The following NRG1 variants were observed in gnomAD, a reference collection of about 807,000 sequenced individuals.
NRG1 encodes the protein pro-neuregulin-1, membrane-bound isoform.
Under a neutral mutation model 63.8 loss-of-function variants are expected in NRG1, and 18 were observed. The ratio of observed to expected loss-of-function variants is 0.28; its 90% CI spans 0.19 to 0.42. The LOEUF (loss-of-function observed/expected upper bound fraction) is 0.42, where lower values mean the gene tolerates loss of function less well. Ranked by LOEUF, NRG1 falls within the 10% of genes least tolerant of loss-of-function variation. NRG1 has a pLI of 1.00. For synonymous variants in NRG1, 302 were observed against 301.3 expected (o/e 1.00, Z -0.02); for missense variants, 762 against 814.7 (o/e 0.94, Z 0.79).
intron 5 of NRG1, among the ~76,000 whole-genome samples, chr8:32,658,291 C>CT: frequency 1.3e-5 from 2 of 152,134 alleles, no homozygotes; most frequent in Non-Finnish European, 2.9e-5. Flanking sequence ...CACCTTGAAA[C>CT]TTTTTTATCT....
intron 7 of NRG1, among the ~76,000 whole-genome samples, chr8:32,748,487 ATTTTT>A (rs954943853): frequency 3.3e-5 from 5 of 151,116 alleles, no homozygotes; most frequent in African/African-American, 1.2e-4. Flanking sequence ...GAGATTTTTT[ATTTTT>A]TTTATTTTTT....
At chr8:31,930,580 C>T (rs1387023744) in intron 1 of NRG1, among the ~76,000 whole-genome samples, 9 of 152,128 alleles carry the variant, frequency 5.9e-5, no homozygotes, top group East Asian at 3.9e-4. Flanking sequence ...CTCTTCTCAA[C>T]CCTTTAATTA....
intron 1 of NRG1, among the ~76,000 whole-genome samples, chr8:31,862,303 A>G (rs1828540397): frequency 6.6e-6 from 1 of 152,198 alleles, no homozygotes. Context: ...AAATGTACTT[A>G]AATCTCCCAT....
rs556823032 is a variant in NRG1 at position 32,707,245 on chromosome 8, A to C, written c.503-20704A>C. 2.6e-4 allele frequency among the ~76,000 whole-genome samples: 39 copies of C among 152,200 alleles called. No homozygotes were observed. The South Asian group carries it at 8.1e-3, about 32-fold the overall frequency. On this transcript the variant is annotated intron_variant, in intron 5 of 11. Transcript: ENST00000356819. The stretch of plus-strand genomic sequence containing the variant: ...ATACATTGTAATGTTTACATTGATG[A>C]GTAATAATAACAACACCTTAGTAGT...
intron 11 of NRG1, among the ~76,000 whole-genome samples, chr8:32,761,291 T>G (rs989577006): frequency 1.3e-5 from 2 of 152,246 alleles, no homozygotes; most frequent in Admixed American, 1.3e-4. Context: ...TATTTTATTG[T>G]CATCTCAGGC....
chr8:31,758,864 C>T (rs1466735812), intron 1 of NRG1, among the ~76,000 whole-genome samples: 1 of 152,064 alleles, frequency 6.6e-6, no homozygotes, highest in Non-Finnish European at 1.5e-5. Context: ...ATTGGTTATA[C>T]CATTCTTCAC....
At chr8:32,298,885 G>A (rs1460745913) in intron 1 of NRG1, among the ~76,000 whole-genome samples, 1 of 150,262 alleles carries the variant, frequency 6.7e-6, no homozygotes, top group African/African-American at 2.4e-5. Context: ...AAATTAGCTG[G>A]GGATGGTGGC....
rs568216999 is a variant in NRG1 at position 32,218,926 on chromosome 8, A to G, written c.38-376902A>G. On this transcript the variant is annotated intron_variant, in intron 1 of 10. Transcript: ENST00000519301. Reference sequence around the variant, plus strand: ...GTCAGGATGCATGGCAGTACCCTTAATAACTACAGATTCAGAATCACAGAA... The same window carrying G: ...GTCAGGATGCATGGCAGTACCCTTAGTAACTACAGATTCAGAATCACAGAA... Among the ~76,000 whole-genome samples, 9 of 152,308 alleles carry G rather than the reference A, an allele frequency of 5.9e-5. No homozygotes were observed. The South Asian group carries it at 1.2e-3, about 21-fold the overall frequency.
At chr8:32,453,517 C>T (rs907824475) in intron 1 of NRG1, among the ~76,000 whole-genome samples, 1 of 152,108 alleles carries the variant, frequency 6.6e-6, no homozygotes, top group Non-Finnish European at 1.5e-5. Context: ...AGGAGAAGAG[C>T]AAATGCAAGT....
chr8:32,672,207 A>T (rs1406987594), intron 5 of NRG1, among the ~76,000 whole-genome samples: 1 of 151,568 alleles, frequency 6.6e-6, no homozygotes. Context: ...ACCACGCCCC[A>T]CTAATTTTTG....
At chr8:32,438,398 A>T (rs538152477) in intron 1 of NRG1, among the ~76,000 whole-genome samples, 25 of 152,226 alleles carry the variant, frequency 1.6e-4, no homozygotes, top group Non-Finnish European at 8.8e-5. Flanking sequence ...GCTGCATAGT[A>T]TTTCATGCTA....
At chr8:32,116,866 G>T (rs1832781621) in intron 1 of NRG1, among the ~76,000 whole-genome samples, 1 of 151,634 alleles carries the variant, frequency 6.6e-6, no homozygotes, top group East Asian at 1.9e-4. Context: ...TTCCAGGCCA[G>T]GTGCAGTGGT....
intron 1 of NRG1, among the ~76,000 whole-genome samples, chr8:31,770,609 G>A (rs990251333): frequency 2.7e-5 from 4 of 150,082 alleles, no homozygotes; most frequent in African/African-American, 9.8e-5. Flanking sequence ...ACACACCGGG[G>A]CCTGTTGTGG....
intron 5 of NRG1, among the ~76,000 whole-genome samples, chr8:32,671,195 A>G (rs922452539): frequency 2.0e-5 from 3 of 151,086 alleles, no homozygotes; most frequent in Admixed American, 6.6e-5. Context: ...CTTTTTGACT[A>G]ATGGATGTTG....
intron 1 of NRG1, among the ~76,000 whole-genome samples, chr8:31,686,233 A>C (rs1434183796): frequency 6.6e-6 from 1 of 152,212 alleles, no homozygotes; most frequent in Non-Finnish European, 1.5e-5. Context: ...ATTAAAATAC[A>C]TGTTTTTGAA....
intron 1 of NRG1, among the ~76,000 whole-genome samples, chr8:32,473,898 C>T (rs1405964076): frequency 6.6e-6 from 1 of 152,076 alleles, no homozygotes; most frequent in Non-Finnish European, 1.5e-5. Context: ...GTTTCCCAAG[C>T]TGGTCTTGAA....
In NRG1 at chr8:32,006,293, A is replaced by T. The variant is rs895824337; in HGVS notation, c.37+366862A>T. Among the ~76,000 whole-genome samples the T allele has an allele frequency of 6.6e-5, 10 of 152,148 alleles. No homozygotes were observed. In the East Asian group the frequency reaches 1.9e-3, roughly 30 times the overall value. On this transcript the variant is annotated intron_variant, in intron 1 of 10. Coordinates refer to the NRG1 transcript ENST00000519301. The stretch of plus-strand genomic sequence containing the variant: ...TTAACAGCCTGGCCAAAAGGTCATT[A>T]TTGTTTAGGCCTTCTGCCTTCCAGA...
intron 1 of NRG1, among the ~76,000 whole-genome samples, chr8:31,709,678 G>A (rs962735521): frequency 6.6e-6 from 1 of 151,852 alleles, no homozygotes; most frequent in East Asian, 1.9e-4. Flanking sequence ...GTCAGTTTTG[G>A]TGAATTATAC....
chr8:31,850,245 A>G (rs1427071642), intron 1 of NRG1, among the ~76,000 whole-genome samples: 4 of 152,140 alleles, frequency 2.6e-5, no homozygotes, highest in African/African-American at 9.7e-5. Context: ...GGATTCTGCA[A>G]TGAGGTGTTG....
Sources: gnomAD v4.1 joint callset for allele counts (sites outside exome capture counted in the v4.1 genomes callset) on GRCh38, gnomAD v4.1.1 for gene constraint, MANE v1.5 for transcripts, NCBI Gene and HGNC (gene_info 2026-07-23, HGNC 2026-07-21) for gene names.